Variants in CATSPERD observed in about 807,000 individuals in gnomAD.
CATSPERD encodes catsper channel auxiliary subunit delta.
Under a neutral mutation model 98.1 loss-of-function variants are expected in CATSPERD, and 86 were observed. The ratio of observed to expected loss-of-function variants is 0.88; its 90% confidence interval spans 0.74 to 1.05. CATSPERD has a LOEUF of 1.05. Ranked by LOEUF, CATSPERD falls within the 50% of genes least tolerant of loss-of-function variation. The pLI is 0.00. For missense variants in CATSPERD, 995 were observed against 1,005.7 expected (o/e 0.99, Z 0.14); for synonymous variants, 394 against 390.2 (o/e 1.01, Z -0.12).
chr19:5,765,903 T>C (rs2056529336), intron 16 of CATSPERD, among the ~76,000 whole-genome samples, 200 bp from the exon 17 acceptor site: 1 of 152,084 alleles, frequency 6.6e-6, no homozygotes, highest in South Asian at 2.1e-4. Flanking sequence ...AGTTTAGCCA[T>C]ACCCCAGGCT....
At chr19:5,765,371 C>G (rs1281705858) in intron 16 of CATSPERD, among the ~76,000 whole-genome samples, 1 of 152,114 alleles carries the variant, frequency 6.6e-6, no homozygotes, top group Non-Finnish European at 1.5e-5. Context: ...TGTCTTCTTT[C>G]TCCTTTTTGT....
At chr19:5,753,993 A>T in intron 12 of CATSPERD, 139 bp from the exon 13 acceptor site, 1 of 648,018 alleles carries the variant, frequency 1.5e-6, no homozygotes, top group Non-Finnish European at 2.8e-6. Flanking sequence ...GGAAATACAG[A>T]GTCTAGTGGG....
chr19:5,754,389 GTGTC>G, intron 13 of CATSPERD, 144 bp downstream of exon 13: 1 of 339,246 alleles, frequency 2.9e-6, no homozygotes, highest in Non-Finnish European at 5.5e-6. Flanking sequence ...AATTGTCTCT[GTGTC>G]TTTTTTTTTT....
At chr19:5,750,450 CAAAAA>C (rs60496454) in intron 11 of CATSPERD, among the ~76,000 whole-genome samples, 23 of 48,662 alleles carry the variant, frequency 4.7e-4, no homozygotes, top group African/African-American at 1.0e-3. Flanking sequence ...GACTCTGTCT[CAAAAA>C]AAAAAAAAAA....
chr19:5,763,435 AC>A lies in CATSPERD; in HGVS notation c.1506+143del, dbSNP rs985217767. 1.0e-4 allele frequency: 63 copies of A among 618,878 alleles called. No homozygotes were observed. In the African/African-American group the frequency reaches 1.2e-3, roughly 11 times the overall value. The allele number at this position is 618,878 out of a possible 1,614,324, so 38.3% of individuals were successfully genotyped here. Reference sequence around the variant, plus strand: ...AAGAGAGTGAAACTCTGCCTCAAAAACTAAAAAAATTAAAAATAAAAATAAA... The same window carrying A: ...AAGAGAGTGAAACTCTGCCTCAAAAATAAAAAAATTAAAAATAAAAATAAA... On this transcript the variant is annotated intron_variant, in intron 16 of 21. Transcript: ENST00000381624.
In CATSPERD at chr19:5,762,398, TTCAC is replaced by T. The variant is rs748371397; in HGVS notation, c.1428-811_1428-808del. Among the ~76,000 whole-genome samples the T allele has an allele frequency of 7.9e-5, 12 of 152,068 alleles. No homozygotes were observed. In the South Asian group the frequency reaches 2.5e-3, roughly 32 times the overall value. Reference sequence around the variant, plus strand: ...TTTAAACTATCAGATATTGTGAGAATTCACTCACTATCACAAGAACACCAAGGGG... The same window carrying T: ...TTTAAACTATCAGATATTGTGAGAATTCACTATCACAAGAACACCAAGGGG... On this transcript the variant is annotated intron_variant, in intron 15 of 21. Transcript: ENST00000381624.
intron 10 of CATSPERD, among the ~76,000 whole-genome samples, chr19:5,748,852 C>T (rs1445897724): frequency 6.8e-6 from 1 of 148,140 alleles, no homozygotes; most frequent in Non-Finnish European, 1.5e-5. Context: ...CCTCAGCCTC[C>T]TGAGTAGCTG....
intron 4 of CATSPERD, among the ~76,000 whole-genome samples, chr19:5,731,560 G>GTTTTGTTTTTTTTTT (rs2055718918): frequency 1.3e-5 from 1 of 75,724 alleles, no homozygotes; most frequent in African/African-American, 5.0e-5. Context: ...ACACTTAACA[G>GTTTTGTTTTTTTTTT]TTTTTTTTTT....
Position 5,733,352 on chromosome 19 carries a change from C to CTTCT in CATSPERD, c.277-501_277-500insTTTC, listed in dbSNP as rs1260854957. Among the ~76,000 whole-genome samples, 3 of 140,508 alleles carry CTTCT rather than the reference C, an allele frequency of 2.1e-5. No homozygotes were observed. In the Admixed American group the frequency reaches 2.2e-4, roughly 10 times the overall value. 92.2% of individuals were successfully genotyped at this position (140,508 alleles called of 152,430 possible). A position where few individuals can be genotyped will look rare whatever the true frequency, so the allele number is the denominator to read the frequency against. On this transcript the variant is annotated intron_variant, in intron 4 of 21. Transcript: ENST00000381624. Reference sequence around the variant, plus strand: ...CTTTCTTTCCTTTCTTTCTTTCTTCCTTCCTTCCCTCCTTCCTTCCTTCCC... The same window carrying CTTCT: ...CTTTCTTTCCTTTCTTTCTTTCTTCCTTCTTTCCTTCCCTCCTTCCTTCCTTCCC...
intron 15 of CATSPERD, among the ~76,000 whole-genome samples, chr19:5,761,445 C>A (rs137871283): frequency 0.23 from 3,433 of 14,950 alleles, 233 homozygotes; most frequent in African/African-American, 0.35. Flanking sequence ...GGATGGATGG[C>A]TGGCTGGCTG....
At chr19:5,767,113 T>G (rs868420858) in intron 17 of CATSPERD, among the ~76,000 whole-genome samples, 3 of 150,826 alleles carry the variant, frequency 2.0e-5, no homozygotes, top group African/African-American at 7.3e-5. Context: ...GTCAGGAGAT[T>G]GAGACCATCC....
chr19:5,756,266 G>C (rs1006340958), intron 13 of CATSPERD, among the ~76,000 whole-genome samples: 1 of 149,324 alleles, frequency 6.7e-6, no homozygotes, highest in African/African-American at 2.4e-5. Context: ...GGGTGACAGA[G>C]TGAGACTCCC....
intron 9 of CATSPERD, among the ~76,000 whole-genome samples, chr19:5,746,487 G>A (rs1004071876): frequency 1.3e-5 from 2 of 151,832 alleles, no homozygotes; most frequent in Non-Finnish European, 2.9e-5. Context: ...AGAGTGCAGT[G>A]GCGCGATCTT....
intron 17 of CATSPERD, among the ~76,000 whole-genome samples, chr19:5,767,014 T>C (rs960803852): frequency 1.3e-5 from 2 of 150,880 alleles, no homozygotes; most frequent in Admixed American, 1.3e-4. Context: ...TTAAAATAAA[T>C]TTTTTAAAAA....
chr19:5,730,917 C>T (rs1303366197), intron 4 of CATSPERD, among the ~76,000 whole-genome samples: 3 of 152,044 alleles, frequency 2.0e-5, no homozygotes, highest in African/African-American at 7.2e-5. Context: ...AGGAGAATGG[C>T]TTGAACTTGG....
At chr19:5,736,430 C>T (rs530703403) in intron 5 of CATSPERD, among the ~76,000 whole-genome samples, 9 of 152,204 alleles carry the variant, frequency 5.9e-5, no homozygotes, top group Non-Finnish European at 1.0e-4. Flanking sequence ...CTGAACTTTT[C>T]TCCAGGCTGG....
intron 15 of CATSPERD, 141 bp downstream of exon 15, chr19:5,759,285 G>C: frequency 1.2e-6 from 1 of 805,642 alleles, no homozygotes. Flanking sequence ...ACAAGAGCTG[G>C]GCGCGGTGGC....
intron 1 of CATSPERD, 53 bp downstream of exon 1, chr19:5,720,861 G>C: frequency 6.7e-7 from 1 of 1,494,792 alleles, no homozygotes; most frequent in Non-Finnish European, 9.1e-7. Flanking sequence ...TCGGGAGGGT[G>C]CTGGTTCATC....
chr19:5,727,041 A>G (rs1254860417), intron 2 of CATSPERD, among the ~76,000 whole-genome samples: 3 of 152,098 alleles, frequency 2.0e-5, no homozygotes, highest in Non-Finnish European at 2.9e-5. Context: ...AAAAAATAGA[A>G]AAAACCAGCC....
Sources: gnomAD v4.1 joint callset for allele counts (sites outside exome capture counted in the v4.1 genomes callset) on GRCh38, gnomAD v4.1.1 for gene constraint, MANE v1.5 for transcripts, NCBI Gene and HGNC (gene_info 2026-07-23, HGNC 2026-07-21) for gene names.